The following SCAI variants were observed in gnomAD, a reference collection of about 807,000 sequenced individuals.
SCAI encodes the protein suppressor of cancer cell invasion.
A neutral mutation model predicts 92.2 loss-of-function variants in SCAI; 24 were observed. That is an observed-to-expected ratio of 0.26 (90% CI 0.19 to 0.37). SCAI has a LOEUF of 0.37. Ranked by LOEUF, SCAI falls within the 10% of genes least tolerant of loss-of-function variation. The pLI is 1.00. For missense variants in SCAI, 450 were observed against 736.2 expected, an observed-to-expected ratio of 0.61 and a Z score of 4.50; for synonymous variants, 261 against 258.6, an observed-to-expected ratio of 1.01 and a Z score of -0.09.
chr9:125,084,532 T>G (rs1834288050), intron 2 of SCAI, among the ~76,000 whole-genome samples: 1 of 152,098 alleles, frequency 6.6e-6, no homozygotes. Flanking sequence ...CAGATGCCCA[T>G]GCTCCAAGCT....
chr9:125,004,771 ATATATATATTTTTTTTTTTTT>A (rs1417497052), intron 9 of SCAI, among the ~76,000 whole-genome samples: 27 of 8,800 alleles, frequency 3.1e-3, no homozygotes, highest in African/African-American at 9.1e-3. Context: ...ATATATATAT[ATATATATATTTTTTTTTTTTT>A]TTTTTTTTTT....
intron 2 of SCAI, among the ~76,000 whole-genome samples, chr9:125,123,498 C>T (rs1222147062): frequency 1.3e-5 from 2 of 152,130 alleles, no homozygotes; most frequent in Non-Finnish European, 1.5e-5. Flanking sequence ...ACTGGCAGGC[C>T]GGGTGTGGTG....
chr9:125,136,292 G>A (rs1159289292), intron 2 of SCAI, among the ~76,000 whole-genome samples: 1 of 151,396 alleles, frequency 6.6e-6, no homozygotes, highest in Non-Finnish European at 1.5e-5. Flanking sequence ...CGTATTTTTG[G>A]TAGAGATGAG....
chr9:125,133,873 AGG>A (rs1835458702), intron 2 of SCAI, among the ~76,000 whole-genome samples: 1 of 152,228 alleles, frequency 6.6e-6, no homozygotes, highest in Non-Finnish European at 1.5e-5. Context: ...CTCTTAGATT[AGG>A]ATGCTGTCCC....
chr9:125,138,576 A>G (rs1412481420), intron 2 of SCAI, among the ~76,000 whole-genome samples: 1 of 151,980 alleles, frequency 6.6e-6, no homozygotes, highest in African/African-American at 2.4e-5. Context: ...CACCACGTCC[A>G]GCTGATTTTT....
chr9:124,996,725 G>A (rs921170211), intron 13 of SCAI, among the ~76,000 whole-genome samples: 3 of 151,808 alleles, frequency 2.0e-5, no homozygotes, highest in African/African-American at 2.4e-5. Flanking sequence ...CGCCTCCCAC[G>A]TTCAGGCAAT....
chr9:125,087,709 C>T (rs572416998), intron 2 of SCAI, among the ~76,000 whole-genome samples: 1 of 152,162 alleles, frequency 6.6e-6, no homozygotes. Flanking sequence ...TATGTGAAAT[C>T]TCATTAAAAG....
At chr9:125,004,777 ATATTTTTTTTTTTTT>A (rs1832466106) in intron 9 of SCAI, among the ~76,000 whole-genome samples, 1 of 10,780 alleles carries the variant, frequency 9.3e-5, no homozygotes, top group African/African-American at 3.4e-4. Context: ...ATATATATAT[ATATTTTTTTTTTTTT>A]TTTTTTTTTT....
intron 12 of SCAI, among the ~76,000 whole-genome samples, chr9:125,000,294 A>G (rs1476282895): frequency 6.6e-6 from 1 of 152,208 alleles, no homozygotes; most frequent in Non-Finnish European, 1.5e-5. Flanking sequence ...GAGATCTGGG[A>G]TGTTCAAAAT....
At chr9:125,027,790 A>G (rs1022139622) in intron 5 of SCAI, among the ~76,000 whole-genome samples, 12 of 152,194 alleles carry the variant, frequency 7.9e-5, no homozygotes, top group Non-Finnish European at 1.0e-4. Flanking sequence ...CTAGGATTAC[A>G]GGCGTGAGCC....
chr9:125,140,567 T>C (rs1256575445), intron 2 of SCAI, among the ~76,000 whole-genome samples: 3 of 151,624 alleles, frequency 2.0e-5, no homozygotes, highest in African/African-American at 7.3e-5. Context: ...AACAATTTTA[T>C]TTACAGCCAG....
intron 2 of SCAI, among the ~76,000 whole-genome samples, chr9:125,097,414 CAG>C (rs1279582077): frequency 6.6e-6 from 1 of 151,786 alleles, no homozygotes; most frequent in Non-Finnish European, 1.5e-5. Context: ...ACCTGGGAGA[CAG>C]AGTGAGACTC....
intron 15 of SCAI, chr9:124,975,487 A>T (rs1446710292): frequency 6.6e-6 from 2 of 302,332 alleles, no homozygotes; most frequent in African/African-American, 4.5e-5. Flanking sequence ...TGGGAGTTAG[A>T]ATTAGATTTT....
intron 2 of SCAI, among the ~76,000 whole-genome samples, chr9:125,109,036 T>C (rs1834877383): frequency 6.6e-6 from 1 of 152,258 alleles, no homozygotes; most frequent in South Asian, 2.1e-4. Flanking sequence ...TGCCCTGGGA[T>C]GCTGTTGATC....
At chr9:125,020,251 T>A (rs1832844936) in intron 7 of SCAI, among the ~76,000 whole-genome samples, 1 of 152,160 alleles carries the variant, frequency 6.6e-6, no homozygotes, top group South Asian at 2.1e-4. Flanking sequence ...CTTAATCACC[T>A]CAGTTAATGA....
rs182643860 is a variant in SCAI, at chr9:124,978,109, C to T, written c.1327-1923G>A. ...TCAAATAATGAACTGAAGAAAATAT[C>T]TGGAACTCACATTACAAAGGATTAA... On this transcript the variant is annotated intron_variant, in intron 14 of 17. Coordinates refer to ENST00000336505, the MANE Select transcript of SCAI (RefSeq NM_001144877.3). 2.6e-5 allele frequency among the ~76,000 whole-genome samples: 4 copies of T among 152,184 alleles called. No individual in the cohort carries two copies. The East Asian group carries it at 7.7e-4, about 29-fold the overall frequency.
intron 2 of SCAI, among the ~76,000 whole-genome samples, chr9:125,087,251 G>A (rs1030809883): frequency 2.6e-5 from 4 of 152,248 alleles, no homozygotes; most frequent in African/African-American, 7.2e-5. Context: ...CCACATGCCA[G>A]TAGCATTGAT....
At chr9:125,042,693 G>C (rs1301457139) in intron 3 of SCAI, among the ~76,000 whole-genome samples, 1 of 139,132 alleles carries the variant, frequency 7.2e-6, no homozygotes, top group African/African-American at 2.7e-5. Context: ...ATACATACAG[G>C]AAGTTACTTA....
chr9:125,101,682 C>G (rs1023132797), intron 2 of SCAI, among the ~76,000 whole-genome samples: 1 of 152,116 alleles, frequency 6.6e-6, no homozygotes, highest in Non-Finnish European at 1.5e-5. Flanking sequence ...CAATTTAGTA[C>G]CACAAAATAT....
Sources: gnomAD v4.1 joint callset for allele counts (sites outside exome capture counted in the v4.1 genomes callset) on GRCh38, gnomAD v4.1.1 for gene constraint, MANE v1.5 for transcripts, NCBI Gene and HGNC (gene_info 2026-07-23, HGNC 2026-07-21) for gene names.